The following PTCH2 variants were observed in gnomAD, a reference collection of about 807,000 sequenced individuals.
PTCH2 encodes the protein protein patched homolog 2.
PTCH2 carries 96 observed loss-of-function variants against 117.9 expected under a neutral mutation model. The observed-to-expected ratio is 0.81, with a 90% CI of 0.69 to 0.96. The LOEUF (loss-of-function observed/expected upper bound fraction) is 0.96, where lower values mean the gene tolerates loss of function less well. PTCH2 is among the 50% of genes least tolerant of loss of function. The probability of loss-of-function intolerance (pLI) is 0.00; values close to 1 mark genes in which losing one functional copy is unlikely to be tolerated. For missense variants in PTCH2, 1,379 were observed against 1,562.5 expected (o/e 0.88, Z 1.98); for synonymous variants, 615 against 660.9 (o/e 0.93, Z 1.06).
chr1:44,829,280 C>T lies in PTCH2; in HGVS notation c.1248G>A (p.Trp416Ter). The change falls in exon 10 of 22, where the codon TGG becomes TGA. Residue 416 changes from tryptophan (W) to a stop codon, truncating the protein, a stop_gained. Transcript: ENST00000372192. LOFTEE classifies it high-confidence loss of function. ...LAYACVTMLR[W>*]DCAQSQGSVG... is the part of the protein sequence containing the mutation. ...CGGAACCCTGGGACTGGGCGCAGTCCCACCGCAGCATGGTCACACAGGCAT... is the reference window on the plus strand; with the variant it reads ...CGGAACCCTGGGACTGGGCGCAGTCTCACCGCAGCATGGTCACACAGGCAT... 6.2e-7 allele frequency: 1 copy of T among 1,613,562 alleles called. No homozygotes were observed.
Position 44,826,783 on chromosome 1 carries a change from G to T in PTCH2, c.2696-15C>A. 1 of 1,600,858 alleles carries T rather than the reference G, an allele frequency of 6.2e-7. No homozygotes were observed. The highest frequency in any genetic ancestry group is 8.5e-7 in the Non-Finnish European group (1 of 1,171,728). ...AGCTGGCGGGACTGTGGAGGGGAGGGGAAGGGAGAAGAGGGAGAGGGACAG... is the reference window on the plus strand; with the variant it reads ...AGCTGGCGGGACTGTGGAGGGGAGGTGAAGGGAGAAGAGGGAGAGGGACAG... On this transcript the variant is annotated splice_polypyrimidine_tract_variant and intron_variant, in intron 17 of 21. Transcript: ENST00000372192. This position sits in a 1 kb window ranked among gnomAD's most constrained non-coding sequence, Gnocchi z 5.1.
At chr1:44,821,851 T>C (rs1253776953), downstream of PTCH2, 4 of 1,365,190 alleles carry the variant, frequency 2.9e-6, no homozygotes, top group Admixed American at 7.6e-5. Context: ...CCTCAGGTCC[T>C]GGCACCAGAG....
intron 2 of PTCH2, among the ~76,000 whole-genome samples, chr1:44,832,990 CA>C (rs1653525921): frequency 6.6e-6 from 1 of 152,116 alleles, no homozygotes. Flanking sequence ...TGCTCCCACT[CA>C]GGCAGAAAGT....
At position 44,829,490 on chromosome 1, in the gene PTCH2, T is replaced by C. The variant is rs535118425; in HGVS notation, c.1127A>G (p.His376Arg). 5.0e-6 allele frequency: 8 copies of C among 1,614,142 alleles called. No homozygotes were observed. The East Asian group carries it at 8.9e-5, about 18-fold the overall frequency. ...ALPENASQQI[H>R]AFSSTTLDDI... is the part of the protein sequence containing the mutation. ...ATCCAGGGTGGTGGAGGAGAAGGCATGGATCTGCTGGGAAGCGTTCTCAGG... is the reference window on the plus strand; with the variant it reads ...ATCCAGGGTGGTGGAGGAGAAGGCACGGATCTGCTGGGAAGCGTTCTCAGG... Residue 376 changes from histidine (H) to arginine (R), a missense_variant, in exon 9 of 22, where the codon CAT becomes CGT. Transcript: ENST00000372192.
rs2148874964 is a variant in PTCH2 at position 44,827,192 on chromosome 1, G to C, written c.2489C>G (p.Ala830Gly). The C allele has an allele frequency of 6.2e-7, 1 of 1,614,050 alleles. No homozygotes were observed. The highest frequency in any genetic ancestry group is 8.5e-7 in the Non-Finnish European group (1 of 1,179,998). The part of the protein sequence containing the change: ...AYKLLIQTGD[A>G]QEPLDFSQLT... The stretch of plus-strand genomic sequence containing the variant: ...CTGGCTGAAATCCAGAGGCTCCTGG[G>C]CGTCTCCAGTCTGGATGAGCAGCTT... The change falls in exon 16 of 22, where the codon GCC (alanine) becomes GGC (glycine). Residue 830 changes from alanine to glycine, a missense_variant. Transcript: ENST00000372192.
Position 44,827,917 on chromosome 1 carries a change from G to A in PTCH2, c.1984C>T (p.Pro662Ser), listed in dbSNP as rs2148875781. The A allele has an allele frequency of 1.2e-6, 2 of 1,614,218 alleles. No individual in the cohort carries two copies. The highest frequency in any genetic ancestry group is 1.7e-5 in the Admixed American group (1 of 60,034). Residue 662 changes from proline to serine, a missense_variant, in exon 14 of 22, where the codon CCC (proline) becomes TCC (serine). By Grantham distance (74) the Pro-to-Ser change is moderately conservative. Coordinates refer to ENST00000372192, the MANE Select transcript of PTCH2 (RefSeq NM_003738.5). The stretch of plus-strand genomic sequence containing the variant: ...TGGGCAAGATTCCAGCGGGCACAGG[G>A]CAGGGACTTGCAGGCTGCCTTCTGC... Reference protein sequence around the residue: ...TRQKAACKSLPCARWNLAHFA... With the variant: ...TRQKAACKSLSCARWNLAHFA...
In PTCH2 at chr1:44,822,101, G is replaced by A; in HGVS notation, c.*314C>T. ...CCCAGGAGTCACCAGACGGAAGGGTGCTGGAGGGTCCCTCAGGCTTGGTCA... is the reference window on the plus strand; with the variant it reads ...CCCAGGAGTCACCAGACGGAAGGGTACTGGAGGGTCCCTCAGGCTTGGTCA... On this transcript the variant is annotated 3_prime_UTR_variant, in exon 22 of 22. Transcript: ENST00000372192. 7.2e-7 allele frequency: 1 copy of A among 1,383,376 alleles called. No homozygotes were observed. Among genetic ancestry groups the A allele is most frequent in the Non-Finnish European group, 9.4e-7 (1 of 1,067,758 alleles). The allele number at this position is 1,383,376 out of a possible 1,614,324, so 85.7% of individuals were successfully genotyped here.
At chr1:44,825,868 G>A (rs1477354322) in intron 19 of PTCH2, among the ~76,000 whole-genome samples, 3 of 130,482 alleles carry the variant, frequency 2.3e-5, no homozygotes, top group South Asian at 2.3e-4. Flanking sequence ...TTTTTGAGAC[G>A]GAGAGTTTCA....
rs1190099495 is a variant in PTCH2, at chr1:44,822,556, A to G, written c.3471T>C (p.Thr1157=). The change falls in exon 22 of 22, where the codon ACT becomes ACC. Residue 1157 remains threonine (T), a synonymous_variant. Transcript: ENST00000372192. The part of the protein sequence containing the change: ...SSLPQSFARV[T]TSMTVAIHPP... ...GGTGGATGGCCACGGTCATGGAGGT[A>G]GTCACTCTGGCAAAGCTCTGGGGCA... 3 of 1,613,952 alleles carry G rather than the reference A, an allele frequency of 1.9e-6. No individual in the cohort carries two copies. Among genetic ancestry groups the G allele is most frequent in the African/African-American group, 1.3e-5 (1 of 74,922 alleles).
rs1332159125 is a variant in PTCH2 at position 44,829,446 on chromosome 1, A to G, written c.1171T>C (p.Ser391Pro). ...ACCACACGGGCAGCACTGACTTCAG[A>G]GAACGCATGCAGGATGTCATCCAGG... ...TTLDDILHAF[S>P]EVSAARVVGG... is the part of the protein sequence containing the mutation. Residue 391 changes from serine (S) to proline (P), a missense_variant, in exon 9 of 22, where the codon TCT (serine) becomes CCT (proline). Ser to Pro is a moderately conservative substitution (Grantham distance 74). Coordinates refer to ENST00000372192, the MANE Select transcript of PTCH2 (RefSeq NM_003738.5). 1 of 1,614,084 alleles carries G rather than the reference A, an allele frequency of 6.2e-7. No individual in the cohort carries two copies. The highest frequency in any genetic ancestry group is 8.5e-7 in the Non-Finnish European group (1 of 1,180,040).
downstream of PTCH2, chr1:44,820,298 G>T: frequency 8.4e-6 from 4 of 476,578 alleles, no homozygotes; most frequent in South Asian, 6.2e-5. Flanking sequence ...CTCTCTGCTG[G>T]TCCTCCTGGG....
At chr1:44,820,516 C>T (rs545293102), downstream of PTCH2, 3 of 679,548 alleles carry the variant, frequency 4.4e-6, no homozygotes, top group African/African-American at 1.8e-5. Flanking sequence ...AGATGGCATC[C>T]GATCCAATTC....
chr1:44,822,081 G>T lies in PTCH2; in HGVS notation c.*334C>A. The T allele has an allele frequency of 7.3e-7, 1 of 1,368,818 alleles. No homozygotes were observed. The highest frequency in any genetic ancestry group is 9.5e-7 in the Non-Finnish European group (1 of 1,058,016). 84.8% of individuals were successfully genotyped at this position (1,368,818 alleles called of 1,614,324 possible). A position where few individuals can be genotyped will look rare whatever the true frequency, so the allele number is the denominator to read the frequency against. On this transcript the variant is annotated 3_prime_UTR_variant, in exon 22 of 22. Coordinates refer to ENST00000372192, the MANE Select transcript of PTCH2 (RefSeq NM_003738.5). ...GCAGGGATATGGAGAGCCTGCCCAG[G>T]AGTCACCAGACGGAAGGGTGCTGGA...
At chr1:44,835,631 A>G (rs1347138920) in intron 2 of PTCH2, among the ~76,000 whole-genome samples, 2 of 152,134 alleles carry the variant, frequency 1.3e-5, no homozygotes, top group Non-Finnish European at 2.9e-5. Flanking sequence ...TTCACGTGTA[A>G]AGGCCTATAT....
At chr1:44,839,194 G>GAC (rs1653823310) in intron 2 of PTCH2, among the ~76,000 whole-genome samples, 1 of 152,000 alleles carries the variant, frequency 6.6e-6, no homozygotes. Context: ...CCAACATGGT[G>GAC]ACACCCTGTT....
chr1:44,841,077 C>T (rs938011940), intron 2 of PTCH2, among the ~76,000 whole-genome samples: 8 of 147,216 alleles, frequency 5.4e-5, no homozygotes, highest in African/African-American at 2.0e-4. Context: ...GGCTGAGGCA[C>T]GAGAATCACT....
In PTCH2 at chr1:44,829,894, C is replaced by T; in HGVS notation, c.935+15G>A. 1 of 1,614,032 alleles carries T rather than the reference C, an allele frequency of 6.2e-7. No homozygotes were observed. Among genetic ancestry groups the T allele is most frequent in the Non-Finnish European group, 8.5e-7 (1 of 1,179,918 alleles). On this transcript the variant is annotated intron_variant, in intron 7 of 21. Coordinates refer to ENST00000372192, the MANE Select transcript of PTCH2 (RefSeq NM_003738.5). ...TGAACAGAGTCCCCTCACCAACTCC[C>T]AGAGGAGACCCTACCTCAGCAGCTC...
chr1:44,825,806 C>T (rs890668680), intron 19 of PTCH2, among the ~76,000 whole-genome samples: 2 of 149,026 alleles, frequency 1.3e-5, no homozygotes, highest in African/African-American at 5.0e-5. Flanking sequence ...CAGCATCATC[C>T]CAATTACAGG....
In PTCH2 at chr1:44,826,662, G is replaced by A. The variant is rs772976407; in HGVS notation, c.2802C>T (p.Cys934=). Residue 934 remains cysteine, a synonymous_variant, in exon 18 of 22, where the codon TGC becomes TGT. Coordinates refer to ENST00000372192, the MANE Select transcript of PTCH2 (RefSeq NM_003738.5). The surrounding 1 kb of genome is among the most constrained non-coding windows in gnomAD (Gnocchi z 5.1). ...GCACCCCAGCCTGGCCGGCCTCTGCGCATGCTGCCCGGGCCCCCTCGATGG... is the reference window on the plus strand; with the variant it reads ...GCACCCCAGCCTGGCCGGCCTCTGCACATGCTGCCCGGGCCCCCTCGATGG... ...VEAIEGARAA[C]AEAGQAGVHA... 8.7e-6 allele frequency: 14 copies of A among 1,611,332 alleles called. No homozygotes were observed. Among genetic ancestry groups the A allele is most frequent in the African/African-American group, 8.0e-5 (6 of 74,916 alleles).
Sources: gnomAD v4.1 joint callset for allele counts (sites outside exome capture counted in the v4.1 genomes callset) on GRCh38, gnomAD v4.1.1 for gene constraint, Gnocchi (gnomAD v3.1) non-coding constraint, MANE v1.5 for transcripts, NCBI Gene and HGNC (gene_info 2026-07-23, HGNC 2026-07-21) for gene names.